The following PPM1E variants were observed in gnomAD, a reference collection of about 807,000 sequenced individuals.
PPM1E encodes the protein protein phosphatase 1E.
In PPM1E, 20 loss-of-function variants were observed where a neutral mutation model predicts 65.9. The observed-to-expected ratio is 0.30, with a 90% CI of 0.21 to 0.44. The LOEUF is 0.44. PPM1E is among the 20% of genes least tolerant of loss of function. The pLI is 1.00. For synonymous variants in PPM1E, 352 were observed against 374.9 expected (o/e 0.94, Z 0.70); for missense variants, 713 against 953.1 (o/e 0.75, Z 3.32).
intron 1 of PPM1E, among the ~76,000 whole-genome samples, chr17:58,947,018 G>A (rs554907930): frequency 6.6e-6 from 1 of 151,344 alleles, no homozygotes; most frequent in South Asian, 2.1e-4. Flanking sequence ...TGTAAGGAAG[G>A]GGTCCAACTT....
At chr17:58,863,227 G>C (rs1165982753) in intron 1 of PPM1E, among the ~76,000 whole-genome samples, 1 of 152,236 alleles carries the variant, frequency 6.6e-6, no homozygotes, top group African/African-American at 2.4e-5. Flanking sequence ...CACTTTGGGA[G>C]GCCGAGGCAG....
rs2031417606 is a variant in PPM1E at position 58,982,499 on chromosome 17, C to T, written c.*1468C>T. The T allele has an allele frequency of 6.1e-6, 1 of 164,198 alleles. No individual in the cohort carries two copies. The highest frequency in any genetic ancestry group is 2.4e-5 in the African/African-American group (1 of 41,632). 10.2% of individuals were successfully genotyped at this position (164,198 alleles called of 1,614,324 possible). A position where few individuals can be genotyped will look rare whatever the true frequency, so the allele number is the denominator to read the frequency against. The stretch of plus-strand genomic sequence containing the variant: ...GCTCTCGCTAAGAAGTGTCCCCCGC[C>T]TAATCATGTGTTTATAGGATAGTAC... On this transcript the variant is annotated 3_prime_UTR_variant, in exon 7 of 7. Coordinates refer to ENST00000308249, the MANE Select transcript of PPM1E (RefSeq NM_014906.5).
At chr17:58,891,463 C>T (rs2051343413) in intron 1 of PPM1E, among the ~76,000 whole-genome samples, 1 of 152,014 alleles carries the variant, frequency 6.6e-6, no homozygotes, top group Non-Finnish European at 1.5e-5. Context: ...GCTGGGGTTA[C>T]AGGTGCATGC....
chr17:58,827,874 C>T (rs961735354), intron 1 of PPM1E, among the ~76,000 whole-genome samples: 1 of 143,570 alleles, frequency 7.0e-6, no homozygotes, highest in African/African-American at 2.6e-5. Context: ...TGCACTCCAA[C>T]CTGGGCGACA....
intron 1 of PPM1E, among the ~76,000 whole-genome samples, chr17:58,847,506 AG>A (rs1287323849): frequency 6.6e-6 from 1 of 152,182 alleles, no homozygotes; most frequent in African/African-American, 2.4e-5. Flanking sequence ...CAGTTTTCCC[AG>A]CACCATTTAT....
At chr17:58,810,745 T>C (rs1456274925) in intron 1 of PPM1E, among the ~76,000 whole-genome samples, 2 of 152,206 alleles carry the variant, frequency 1.3e-5, no homozygotes, top group Non-Finnish European at 2.9e-5. Context: ...ATAGTTGAAC[T>C]GTTCTATAAA....
At chr17:58,871,152 T>G (rs1257628687) in intron 1 of PPM1E, among the ~76,000 whole-genome samples, 1 of 152,134 alleles carries the variant, frequency 6.6e-6, no homozygotes, top group Non-Finnish European at 1.5e-5. Context: ...CTCCCTTATT[T>G]CAGCCTCCCA....
chr17:58,838,992 G>A (rs1256985180), intron 1 of PPM1E, among the ~76,000 whole-genome samples: 3 of 152,142 alleles, frequency 2.0e-5, no homozygotes, highest in Non-Finnish European at 4.4e-5. Context: ...GCAGTAAAAA[G>A]ATCAGTGGTT....
chr17:58,761,453 T>C (rs1598553859), intron 1 of PPM1E, among the ~76,000 whole-genome samples: 1 of 152,208 alleles, frequency 6.6e-6, no homozygotes, highest in African/African-American at 2.4e-5. Flanking sequence ...TTCATTAGTT[T>C]TATTTCTGGA....
intron 1 of PPM1E, among the ~76,000 whole-genome samples, chr17:58,854,917 G>A (rs2050866196): frequency 6.6e-6 from 1 of 152,184 alleles, no homozygotes; most frequent in African/African-American, 2.4e-5. Context: ...ACTGACAGGT[G>A]AAAATAGAGA....
intron 6 of PPM1E, among the ~76,000 whole-genome samples, chr17:58,975,000 C>G (rs375006171): frequency 7.9e-5 from 12 of 152,010 alleles, no homozygotes; most frequent in Admixed American, 6.6e-4. Flanking sequence ...TAAAATATAC[C>G]CTTATATGGA....
Position 58,969,743 on chromosome 17 carries a change from A to C in PPM1E, c.972+16A>C, listed in dbSNP as rs372511970. ...AGCCAGGGAGGTATGCCCCTTTCTC[A>C]TAAGTTCCAGCTAGAAATGTACTAG... is the stretch of plus-strand genomic sequence containing the variant. On this transcript the variant is annotated intron_variant, in intron 4 of 6. Transcript: ENST00000308249. 1.7e-5 allele frequency: 27 copies of C among 1,612,692 alleles called. No individual in the cohort carries two copies. In the African/African-American group the frequency reaches 3.1e-4, roughly 18 times the overall value.
rs2031278555 is a variant in PPM1E, at chr17:58,980,258, G to A, written c.1495G>A (p.Glu499Lys). 1 of 1,614,108 alleles carries A rather than the reference G, an allele frequency of 6.2e-7. No individual in the cohort carries two copies. Among genetic ancestry groups the A allele is most frequent in the South Asian group, 1.1e-5 (1 of 91,092 alleles). Residue 499 changes from glutamate to lysine, a missense_variant, in exon 7 of 7, where the codon GAG (glutamate) becomes AAG (lysine). Physicochemically the swap from Glu to Lys is moderately conservative, Grantham distance 56. This residue lies in a region of PPM1E where 286 missense variants were observed against 313.8 expected (regional missense o/e 0.91). Transcript: ENST00000308249. This position sits in a 1 kb window ranked among gnomAD's most constrained non-coding sequence, Gnocchi z 4.7. ...CATGAACAAAGCTGTAAATGTTAGTGAGGAATCAGATTGGACAGAGAACTC... is the reference window on the plus strand; with the variant it reads ...CATGAACAAAGCTGTAAATGTTAGTAAGGAATCAGATTGGACAGAGAACTC... ...RDMNKAVNVS[E>K]ESDWTENSFQ...
rs910998494 is a variant in PPM1E, at chr17:58,900,605, T to C, written c.465-55044T>C. ...AAAAAATTTTGTACAGCTCACTTTA[T>C]TGCAATATTTTTATTTTGCAATAAA... On this transcript the variant is annotated intron_variant, in intron 1 of 6. Transcript: ENST00000308249. Among the ~76,000 whole-genome samples the C allele has an allele frequency of 1.8e-4, 27 of 152,348 alleles. 1 individual carries two copies. The Middle Eastern group carries it at 0.02, about 115-fold the overall frequency.
chr17:58,857,907 T>C (rs1465399684), intron 1 of PPM1E, among the ~76,000 whole-genome samples: 2 of 152,276 alleles, frequency 1.3e-5, no homozygotes, highest in Admixed American at 6.5e-5. Flanking sequence ...ATGTGTTTAC[T>C]GTAAACTGCT....
At chr17:58,828,057 A>G (rs2050560732) in intron 1 of PPM1E, among the ~76,000 whole-genome samples, 1 of 151,396 alleles carries the variant, frequency 6.6e-6, no homozygotes. Flanking sequence ...CGTGTCTACT[A>G]AAAATACAAA....
intron 1 of PPM1E, among the ~76,000 whole-genome samples, chr17:58,832,221 A>G (rs1235742139): frequency 2.0e-5 from 3 of 152,176 alleles, no homozygotes; most frequent in African/African-American, 7.2e-5. Context: ...TACTGTTTCA[A>G]ATTTCTTCAC....
At chr17:58,958,972 C>A (rs2029937009) in intron 2 of PPM1E, among the ~76,000 whole-genome samples, 1 of 151,746 alleles carries the variant, frequency 6.6e-6, no homozygotes, top group African/African-American at 2.4e-5. Context: ...CTACCCAAGA[C>A]TAAAAAAGGA....
chr17:58,953,695 T>A (rs1236204768), intron 1 of PPM1E, among the ~76,000 whole-genome samples: 1 of 152,070 alleles, frequency 6.6e-6, no homozygotes, highest in African/African-American at 2.4e-5. Context: ...CAGACTAGAA[T>A]ATCCAGGTAA....
Sources: gnomAD v4.1 joint callset for allele counts (sites outside exome capture counted in the v4.1 genomes callset) on GRCh38, gnomAD v4.1.1 for gene constraint, gnomAD v4.1.1 regional missense constraint, Gnocchi (gnomAD v3.1) non-coding constraint, MANE v1.5 for transcripts, NCBI Gene and HGNC (gene_info 2026-07-23, HGNC 2026-07-21) for gene names.